The following TENM1 variants were observed in gnomAD, a reference collection of about 807,000 sequenced individuals.
The protein encoded by TENM1 is teneurin-1.
TENM1 carries 35 observed loss-of-function variants against 174.8 expected under a neutral mutation model. That is an observed-to-expected ratio of 0.20 (90% CI 0.15 to 0.27). The LOEUF (loss-of-function observed/expected upper bound fraction) is 0.27, where lower values mean the gene tolerates loss of function less well. TENM1 is among the 10% of genes least tolerant of loss of function. The pLI is 1.00. For missense variants in TENM1, 1,633 were observed against 2,130.1 expected (o/e 0.77, Z 4.59); for synonymous variants, 781 against 798.7 (o/e 0.98, Z 0.37).
rs189382969 is a variant in TENM1 at position 124,491,664 on chromosome X, G to A, written c.3696-4435C>T. On this transcript the variant is annotated intron_variant, in intron 20 of 31. Transcript: ENST00000422452. ...TTCTCTTGGCAGATTTCTAATGATA[G>A]TGATATTGCTGACTTTTCCTTTTCC... Among the ~76,000 whole-genome samples, 10 of 111,807 alleles carry A rather than the reference G, an allele frequency of 8.9e-5. No individual in the cohort carries two copies. In the East Asian group the frequency reaches 1.1e-3, roughly 13 times the overall value.
the TENM1 span, among the ~76,000 whole-genome samples, chrX:125,059,444 G>A: frequency 9.2e-6 from 1 of 108,183 alleles, no homozygotes; most frequent in African/African-American, 3.4e-5. Context: ...ATTTTTTTTT[G>A]TTTTTGTAGC....
At chrX:124,642,015 G>T in intron 10 of TENM1, 24 bp from the exon 14 acceptor site, 15 of 1,151,855 alleles carry the variant, frequency 1.3e-5, no homozygotes, top group Non-Finnish European at 1.7e-5. Flanking sequence ...AAAGTGGGGG[G>T]GAGGGGTGAT....
intron 23 of TENM1, among the ~76,000 whole-genome samples, chrX:124,429,417 T>C (rs1394361630): frequency 9.0e-6 from 1 of 110,974 alleles, no homozygotes; most frequent in Non-Finnish European, 1.9e-5. Context: ...ATAGATAATT[T>C]AACATAATGT....
chrX:124,571,299 C>A (rs1364744274), intron 11 of TENM1, among the ~76,000 whole-genome samples: 2 of 111,858 alleles, frequency 1.8e-5, no homozygotes, highest in African/African-American at 6.5e-5. Flanking sequence ...AATTGAGTAA[C>A]AATGAAATAC....
the TENM1 span, among the ~76,000 whole-genome samples, chrX:124,973,163 C>T: frequency 9.0e-6 from 1 of 111,589 alleles, no homozygotes; most frequent in Non-Finnish European, 1.9e-5. Context: ...AATAGGGAAT[C>T]GTTTCCCCAC....
chrX:124,548,172 G>C (rs1056693769), intron 14 of TENM1, among the ~76,000 whole-genome samples: 25 of 111,874 alleles, frequency 2.2e-4, no homozygotes, highest in African/African-American at 7.5e-4. Flanking sequence ...ACATGAATGC[G>C]ATGACTTTCT....
At chrX:124,703,279 T>C (rs775777610) in intron 5 of TENM1, among the ~76,000 whole-genome samples, 1 of 111,766 alleles carries the variant, frequency 8.9e-6, no homozygotes, top group Non-Finnish European at 1.9e-5. Flanking sequence ...ACTGTCTTAC[T>C]TCCATGCCAA....
At chrX:124,752,254 A>AT (rs775282052) in intron 3 of TENM1, among the ~76,000 whole-genome samples, 17,773 of 111,017 alleles carry the variant, frequency 0.16, 1,774 homozygotes, top group African/African-American at 0.37. Flanking sequence ...GATGGTGAGC[A>AT]TTTTTTCATG....
chrX:124,895,227 G>T (rs1409228965), intron 2 of TENM1, among the ~76,000 whole-genome samples: 2 of 111,471 alleles, frequency 1.8e-5, no homozygotes, highest in Non-Finnish European at 1.9e-5. Context: ...TGGTAATGGG[G>T]ACTTATAAAA....
At chrX:124,990,669 T>G in the TENM1 span, among the ~76,000 whole-genome samples, 1 of 112,182 alleles carries the variant, frequency 8.9e-6, no homozygotes, top group Non-Finnish European at 1.9e-5. Context: ...CCAGAATTGC[T>G]CCATTAAAAT....
Position 124,633,785 on chromosome X carries a change from AT to A in TENM1, c.2077+8005del, listed in dbSNP as rs756923814. Among the ~76,000 whole-genome samples the A allele has an allele frequency of 4.0e-3, 441 of 110,448 alleles. 2 individuals are homozygous for A. Among genetic ancestry groups the A allele is most frequent in the African/African-American group, 0.014 (423 of 30,506 alleles). ...GCTATGATACCACTATAATAGTGTG[AT>A]TTTTTTTCCATTTCATATCTACCTC... On this transcript the variant is annotated intron_variant, in intron 11 of 31. Coordinates refer to ENST00000422452, the Ensembl canonical transcript of TENM1.
chrX:124,468,690 A>T (rs2061267291), intron 22 of TENM1, among the ~76,000 whole-genome samples: 1 of 112,011 alleles, frequency 8.9e-6, no homozygotes, highest in South Asian at 3.7e-4. Context: ...AAATTTATGT[A>T]GGAGATGGAT....
chrX:124,560,162 C>T (rs955124886), intron 14 of TENM1, among the ~76,000 whole-genome samples: 2 of 107,114 alleles, frequency 1.9e-5, no homozygotes, highest in African/African-American at 6.8e-5. Context: ...GGGTAGTAAA[C>T]AGTCTCTTCA....
intron 1 of TENM1, among the ~76,000 whole-genome samples, chrX:124,950,905 T>G (rs2058472954): frequency 8.9e-6 from 1 of 111,862 alleles, no homozygotes. Context: ...AAAGAATGAC[T>G]GTGAAAAGTC....
chrX:124,660,275 T>A (rs1472152058), intron 6 of TENM1, among the ~76,000 whole-genome samples: 2 of 107,486 alleles, frequency 1.9e-5, no homozygotes, highest in African/African-American at 6.8e-5. Context: ...CTCGGGAGGC[T>A]GAGGCAGGAG....
At chrX:124,999,721 G>A in the TENM1 span, among the ~76,000 whole-genome samples, 2 of 110,463 alleles carry the variant, frequency 1.8e-5, no homozygotes, top group African/African-American at 6.6e-5. Context: ...AAGTCTCAAG[G>A]ATCTGTCAAG....
intron 3 of TENM1, among the ~76,000 whole-genome samples, chrX:124,810,127 T>G (rs1165515471): frequency 1.8e-5 from 2 of 111,276 alleles, no homozygotes; most frequent in Non-Finnish European, 3.8e-5. Context: ...GCAGAAAAAT[T>G]GAAATATCTT....
chrX:124,839,078 G>A lies in TENM1; in HGVS notation c.535+55218C>T, dbSNP rs148750116. Among the ~76,000 whole-genome samples the A allele has an allele frequency of 3.9e-3, 438 of 110,936 alleles. 2 individuals carry two copies. The highest frequency in any genetic ancestry group is 0.013 in the African/African-American group (407 of 30,556). On this transcript the variant is annotated intron_variant, in intron 3 of 31. Coordinates refer to ENST00000422452, the Ensembl canonical transcript of TENM1. ...TCAGCAGAGGAAATAGATAATCTGC[G>A]GTTTATTCATACAATGGAATATTAC...
intron 3 of TENM1, 95 bp downstream of exon 6, chrX:124,894,196 GTTGTT>G: frequency 1.7e-6 from 1 of 597,356 alleles, no homozygotes; most frequent in Non-Finnish European, 2.8e-6. Flanking sequence ...AGGCTTGTAT[GTTGTT>G]TGTCAGAGAA....
Sources: allele counts gnomAD v4.1 joint callset (sites outside exome capture counted in the v4.1 genomes callset), GRCh38; gene constraint gnomAD v4.1.1; transcripts MANE v1.5; gene names NCBI Gene and HGNC (gene_info 2026-07-23, HGNC 2026-07-21).